The following REDIC1 variants were observed in gnomAD, a reference collection of about 807,000 sequenced individuals.
REDIC1 encodes regulator of DNA class I crossover intermediates 1.
the REDIC1 span, among the ~76,000 whole-genome samples, chr12:39,708,539 G>A: frequency 1.3e-5 from 2 of 151,708 alleles, no homozygotes; most frequent in African/African-American, 2.4e-5. Context: ...TTTTCTTCTA[G>A]TACTAATATG....
At chr12:39,652,790 A>G in the REDIC1 span, among the ~76,000 whole-genome samples, 7 of 152,090 alleles carry the variant, frequency 4.6e-5, no homozygotes, top group Non-Finnish European at 1.0e-4. Context: ...ACATTTGTGG[A>G]AAAGAATATT....
the REDIC1 span, among the ~76,000 whole-genome samples, chr12:39,691,326 A>C: frequency 2.0e-5 from 3 of 152,272 alleles, no homozygotes; most frequent in Admixed American, 6.5e-5. Context: ...TATATATCTA[A>C]AATTCTATAT....
the REDIC1 span, among the ~76,000 whole-genome samples, chr12:39,833,704 T>C: frequency 2.6e-5 from 4 of 152,070 alleles, no homozygotes; most frequent in African/African-American, 9.7e-5. Flanking sequence ...AAACTTTTCC[T>C]GTCCCCAATA....
chr12:39,900,368 G>A, the REDIC1 span, among the ~76,000 whole-genome samples: 3 of 152,020 alleles, frequency 2.0e-5, no homozygotes, highest in Non-Finnish European at 4.4e-5. Context: ...AAATAAAGGG[G>A]ATTATATTAG....
the REDIC1 span, among the ~76,000 whole-genome samples, chr12:39,884,792 C>G: frequency 2.0e-5 from 3 of 152,160 alleles, no homozygotes; most frequent in Non-Finnish European, 4.4e-5. Context: ...CAATTAGCCA[C>G]AGTACTGTTT....
At chr12:39,684,915 T>C in the REDIC1 span, 16 of 1,611,644 alleles carry the variant, frequency 9.9e-6, no homozygotes, top group African/African-American at 1.3e-5. Context: ...CATGGGACTT[T>C]GGACTTGATG....
the REDIC1 span, among the ~76,000 whole-genome samples, chr12:39,697,533 AAAT>A: frequency 4.6e-5 from 7 of 152,264 alleles, no homozygotes; most frequent in East Asian, 9.6e-4. Flanking sequence ...AACTAGTCAA[AAAT>A]AATAACTATA....
chr12:39,650,431 A>G, the REDIC1 span: 1 of 1,505,486 alleles, frequency 6.6e-7, no homozygotes, highest in East Asian at 2.4e-5. The surrounding 1 kb of genome is among the most constrained non-coding windows in gnomAD (Gnocchi z 4.3). Context: ...TTTAATGGAC[A>G]CAAATATTTT....
chr12:39,733,241 A>C, the REDIC1 span, among the ~76,000 whole-genome samples: 1 of 152,216 alleles, frequency 6.6e-6, no homozygotes, highest in African/African-American at 2.4e-5. Flanking sequence ...TTATGGAATA[A>C]AATGTTGAAA....
At chr12:39,859,717 G>A in the REDIC1 span, among the ~76,000 whole-genome samples, 1 of 151,982 alleles carries the variant, frequency 6.6e-6, no homozygotes, top group African/African-American at 2.4e-5. Flanking sequence ...AGTAGAGCTG[G>A]GGTTTCACCA....
the REDIC1 span, among the ~76,000 whole-genome samples, chr12:39,727,051 G>T: frequency 3.9e-4 from 59 of 152,290 alleles, no homozygotes; most frequent in African/African-American, 1.0e-3. Context: ...GTTCCTTGCA[G>T]ATTCTGGATA....
chr12:39,727,679 T>G, the REDIC1 span, among the ~76,000 whole-genome samples: 1 of 152,088 alleles, frequency 6.6e-6, no homozygotes, highest in African/African-American at 2.4e-5. Flanking sequence ...GAAGAAAGTC[T>G]AATTCTGTGA....
At chr12:39,712,713 A>ATAC in the REDIC1 span, among the ~76,000 whole-genome samples, 103 of 4,684 alleles carry the variant, frequency 0.022, no homozygotes, top group African/African-American at 0.1. Flanking sequence ...ATATGTATAT[A>ATAC]GACGTATACG....
At chr12:39,664,160 G>A in the REDIC1 span, among the ~76,000 whole-genome samples, 2 of 151,020 alleles carry the variant, frequency 1.3e-5, no homozygotes, top group Non-Finnish European at 2.9e-5. Flanking sequence ...ATGCCATGTT[G>A]GTGTGCTGCA....
At chr12:39,687,538 A>G in the REDIC1 span, among the ~76,000 whole-genome samples, 1 of 152,110 alleles carries the variant, frequency 6.6e-6, no homozygotes, top group African/African-American at 2.4e-5. Flanking sequence ...AAACTTCACT[A>G]TTGTAAGGGC....
the REDIC1 span, among the ~76,000 whole-genome samples, chr12:39,627,699 G>A: frequency 6.6e-6 from 1 of 152,152 alleles, no homozygotes. Context: ...TTTAATCAGA[G>A]ATTAGGAGAA....
chr12:39,709,528 C>T, the REDIC1 span, among the ~76,000 whole-genome samples: 1 of 151,192 alleles, frequency 6.6e-6, no homozygotes, highest in African/African-American at 2.4e-5. Context: ...CAGCCCCTGG[C>T]CATTACCATT....
the REDIC1 span, among the ~76,000 whole-genome samples, chr12:39,714,901 T>A: frequency 1.3e-5 from 2 of 151,996 alleles, no homozygotes; most frequent in African/African-American, 4.8e-5. Context: ...GCCCACTTTT[T>A]GATGAGATTG....
the REDIC1 span, chr12:39,760,234 G>A: frequency 2.2e-5 from 36 of 1,611,972 alleles, no homozygotes; most frequent in Middle Eastern, 3.3e-4. Context: ...AGCAAATCCA[G>A]CATAGAGGAA....
Sources: gnomAD v4.1 joint callset for allele counts (sites outside exome capture counted in the v4.1 genomes callset) on GRCh38, gnomAD v4.1.1 for gene constraint, Gnocchi (gnomAD v3.1) non-coding constraint, MANE v1.5 for transcripts, NCBI Gene and HGNC (gene_info 2026-07-23, HGNC 2026-07-21) for gene names.